KANSL1L: variants seen among roughly 807,000 people sequenced by gnomAD.
KANSL1L encodes the protein KAT8 regulatory NSL complex subunit 1-like protein.
In KANSL1L, 25 loss-of-function variants were observed where a neutral mutation model predicts 108.6. The observed-to-expected ratio is 0.23, with a 90% confidence interval of 0.17 to 0.32. KANSL1L has a LOEUF of 0.32. Among genes scored for constraint, KANSL1L ranks in the 10% least tolerant of loss-of-function variants. The pLI is 1.00. For synonymous variants in KANSL1L, 405 were observed against 395.1 expected (o/e 1.03, Z -0.30); for missense variants, 1,137 against 1,125.7 (o/e 1.01, Z -0.14).
rs116560369 is a variant in KANSL1L at position 210,042,558 on chromosome 2, G to A, written c.1921+1381C>T. Among the ~76,000 whole-genome samples the A allele has an allele frequency of 1.6e-3, 247 of 152,262 alleles. 2 individuals carry two copies. Among genetic ancestry groups the A allele is most frequent in the African/African-American group, 5.6e-3 (233 of 41,558 alleles). ...TTCTGGCTCATCATTTATTAGCCGA[G>A]TAATCTTGGATGAGTAGTATCACGA... On this transcript the variant is annotated intron_variant, in intron 7 of 14. Coordinates refer to ENST00000281772, the MANE Select transcript of KANSL1L (RefSeq NM_152519.4).
At chr2:210,027,192 TAAGTTA>T in intron 12 of KANSL1L, 98 bp downstream of exon 12, 2 of 687,908 alleles carry the variant, frequency 2.9e-6, no homozygotes, top group South Asian at 4.0e-5. Flanking sequence ...AAAATCAGTG[TAAGTTA>T]AAGGGCTTAT....
At chr2:210,107,476 C>G (rs919288304) in intron 3 of KANSL1L, among the ~76,000 whole-genome samples, 1 of 147,346 alleles carries the variant, frequency 6.8e-6, no homozygotes, top group African/African-American at 2.5e-5. Flanking sequence ...CAAGAACCAC[C>G]AAAGGATGTT....
At chr2:210,169,888 C>T (rs1490610540) in intron 1 of KANSL1L, among the ~76,000 whole-genome samples, 1 of 152,170 alleles carries the variant, frequency 6.6e-6, no homozygotes, top group Admixed American at 6.5e-5. Flanking sequence ...AATAACACTA[C>T]TTGGCAATTG....
At chr2:210,033,686 C>G (rs1279647368) in intron 8 of KANSL1L, among the ~76,000 whole-genome samples, 1 of 137,854 alleles carries the variant, frequency 7.3e-6, no homozygotes, top group African/African-American at 2.7e-5. Flanking sequence ...GCTGCCACCA[C>G]GCCCGGCTAT....
In KANSL1L at chr2:210,154,158, G is replaced by A. The variant is rs769405994; in HGVS notation, c.425C>T (p.Thr142Met). 50 of 1,613,670 alleles carry A rather than the reference G, an allele frequency of 3.1e-5. No individual in the cohort carries two copies. Among genetic ancestry groups the A allele is most frequent in the Non-Finnish European group, 3.8e-5 (45 of 1,179,810 alleles). ...FIKKEPLSDT[T>M]SQCMKDVQII... is the part of the protein sequence containing the mutation. ...TTGTACATCTTTCATGCACTGGCTC[G>A]TGGTATCTGATAGAGGCTCCTTTTT... is the stretch of plus-strand genomic sequence containing the variant. The change falls in exon 2 of 15, where the codon ACG becomes ATG. Residue 142 changes from threonine (T) to methionine (M), a missense_variant. Around this residue, in one of 3 missense-constraint regions of KANSL1L, gnomAD observed 556 missense variants for 537.7 expected, o/e 1.03. Coordinates refer to ENST00000281772, the MANE Select transcript of KANSL1L (RefSeq NM_152519.4).
At chr2:210,023,338 G>A (rs530621066) in intron 14 of KANSL1L, among the ~76,000 whole-genome samples, 159 bp from the exon 15 acceptor site, 1 of 152,198 alleles carries the variant, frequency 6.6e-6, no homozygotes, top group Non-Finnish European at 1.5e-5. Context: ...ACTCAAAATG[G>A]AATATATTGA....
At chr2:210,127,798 C>CAAA (rs55979027) in intron 3 of KANSL1L, among the ~76,000 whole-genome samples, 2,285 of 28,014 alleles carry the variant, frequency 0.082, 374 homozygotes, top group Non-Finnish European at 0.11. Flanking sequence ...GACTCTGCCT[C>CAAA]AAAAAAAAAA....
At chr2:210,151,830 A>C (rs1469139115) in intron 2 of KANSL1L, 1 of 152,224 alleles carries the variant, frequency 6.6e-6, no homozygotes, top group Non-Finnish European at 1.5e-5. Context: ...TGATATCAGA[A>C]CACTAGAAGA....
At chr2:210,137,453 T>C (rs994557860) in intron 2 of KANSL1L, among the ~76,000 whole-genome samples, 3 of 152,226 alleles carry the variant, frequency 2.0e-5, no homozygotes, top group Non-Finnish European at 2.9e-5. Context: ...ATCTACATTA[T>C]ATTGACATCA....
intron 5 of KANSL1L, among the ~76,000 whole-genome samples, chr2:210,077,181 A>G (rs1043340831): frequency 1.1e-4 from 16 of 152,316 alleles, no homozygotes; most frequent in South Asian, 8.3e-4. Context: ...TGACTATCAT[A>G]CATTCAACAA....
At chr2:210,083,360 G>A (rs2094605727) in intron 5 of KANSL1L, among the ~76,000 whole-genome samples, 1 of 152,132 alleles carries the variant, frequency 6.6e-6, no homozygotes, top group Non-Finnish European at 1.5e-5. Context: ...AAGAATCATA[G>A]TTATTGCATG....
At chr2:210,125,399 C>G (rs1023687607) in intron 3 of KANSL1L, among the ~76,000 whole-genome samples, 2 of 152,116 alleles carry the variant, frequency 1.3e-5, no homozygotes, top group African/African-American at 2.4e-5. Flanking sequence ...TAAAGAAGAC[C>G]AAATAGCAAT....
chr2:210,169,253 T>A (rs898462301), intron 1 of KANSL1L, among the ~76,000 whole-genome samples: 4 of 152,186 alleles, frequency 2.6e-5, no homozygotes, highest in African/African-American at 9.6e-5. Flanking sequence ...AAAAGGATAT[T>A]GTCTGTAGTG....
intron 2 of KANSL1L, among the ~76,000 whole-genome samples, chr2:210,144,594 T>G (rs551960297): frequency 6.6e-6 from 1 of 152,334 alleles, no homozygotes; most frequent in South Asian, 2.1e-4. Flanking sequence ...GCTCTGATGC[T>G]CTCTATTGCC....
chr2:210,148,372 G>T (rs1044233582), intron 2 of KANSL1L, among the ~76,000 whole-genome samples: 1 of 152,176 alleles, frequency 6.6e-6, no homozygotes, highest in African/African-American at 2.4e-5. Context: ...TCTACCACCA[G>T]ATGAGAAATA....
At chr2:210,051,080 G>A (rs1319605165) in intron 6 of KANSL1L, among the ~76,000 whole-genome samples, 1 of 152,108 alleles carries the variant, frequency 6.6e-6, no homozygotes, top group East Asian at 1.9e-4. Context: ...CATGGCAGGA[G>A]GATCACTTGA....
chr2:210,129,041 C>A lies in KANSL1L; in HGVS notation c.1220G>T (p.Arg407Leu), dbSNP rs760005755. ...QQLTDIHRQIRASKGIVVLEE... is the reference protein window; with the variant it reads ...QQLTDIHRQILASKGIVVLEE... Reference sequence around the variant, plus strand: ...ACAGACAGACAATACCTTGGAGGCACGAATTTGCCTGTGAATGTCTGTTAG... The same window carrying A: ...ACAGACAGACAATACCTTGGAGGCAAGAATTTGCCTGTGAATGTCTGTTAG... The change falls in exon 3 of 15, where the codon CGT becomes CTT. Residue 407 changes from arginine (R) to leucine (L), a missense_variant. Around this residue, in one of 3 missense-constraint regions of KANSL1L, gnomAD observed 556 missense variants for 537.7 expected, o/e 1.03. Transcript: ENST00000281772. 3.1e-6 allele frequency: 5 copies of A among 1,613,392 alleles called. No homozygotes were observed. Among genetic ancestry groups the A allele is most frequent in the Non-Finnish European group, 4.2e-6 (5 of 1,179,522 alleles).
chr2:210,105,173 T>C (rs1016167343), intron 3 of KANSL1L, among the ~76,000 whole-genome samples: 1 of 151,842 alleles, frequency 6.6e-6, no homozygotes, highest in Admixed American at 6.6e-5. Context: ...AATGGTTTCA[T>C]AATCAGTTCC....
chr2:210,111,500 C>T (rs1012313247), intron 3 of KANSL1L, among the ~76,000 whole-genome samples: 2 of 151,880 alleles, frequency 1.3e-5, no homozygotes, highest in African/African-American at 4.8e-5. Context: ...AGAGATTGAC[C>T]GCAAAGAGGA....
Sources: gnomAD v4.1 joint callset for allele counts (sites outside exome capture counted in the v4.1 genomes callset) on GRCh38, gnomAD v4.1.1 for gene constraint, gnomAD v4.1.1 regional missense constraint, MANE v1.5 for transcripts, NCBI Gene and HGNC (gene_info 2026-07-23, HGNC 2026-07-21) for gene names.